The following MARK1 variants were observed in gnomAD, a reference collection of about 807,000 sequenced individuals.
MARK1 encodes the protein microtubule affinity regulating kinase 1, also known as serine/threonine-protein kinase MARK1.
Under a neutral mutation model 96.3 loss-of-function variants are expected in MARK1, and 40 were observed. The observed-to-expected ratio is 0.42, with a 90% CI of 0.32 to 0.54. MARK1 has a LOEUF of 0.54. MARK1 is among the 20% of genes least tolerant of loss of function. MARK1 has a pLI of 0.16. For missense variants in MARK1, 719 were observed against 984.6 expected, an observed-to-expected ratio of 0.73 and a Z score of 3.61; for synonymous variants, 317 against 341.2, an observed-to-expected ratio of 0.93 and a Z score of 0.78.
intron 6 of MARK1, among the ~76,000 whole-genome samples, chr1:220,606,294 A>T (rs569265145): frequency 6.6e-6 from 1 of 151,978 alleles, no homozygotes; most frequent in Non-Finnish European, 1.5e-5. Flanking sequence ...GCATTTTTTC[A>T]TGTGTCTGTT....
chr1:220,627,287 G>C (rs929203141), intron 9 of MARK1: 2 of 501,882 alleles, frequency 4.0e-6, no homozygotes, highest in African/African-American at 2.0e-5. Flanking sequence ...GTGAGAGAGG[G>C]TGGCCACAAG....
At chr1:220,597,804 G>A (rs1320426587) in intron 3 of MARK1, among the ~76,000 whole-genome samples, 1 of 151,182 alleles carries the variant, frequency 6.6e-6, no homozygotes. Context: ...TTGTCATTTT[G>A]TTTTTATATA....
intron 1 of MARK1, among the ~76,000 whole-genome samples, chr1:220,551,711 G>T (rs1172001536): frequency 6.6e-6 from 1 of 152,114 alleles, no homozygotes; most frequent in African/African-American, 2.4e-5. Flanking sequence ...AGAAAAAAAA[G>T]AATTGGTTAA....
chr1:220,558,770 T>G (rs1450200789), intron 1 of MARK1, among the ~76,000 whole-genome samples: 1 of 151,990 alleles, frequency 6.6e-6, no homozygotes, highest in Non-Finnish European at 1.5e-5. Flanking sequence ...ATGATAAAAC[T>G]ATAGAAATAA....
At chr1:220,551,051 G>C (rs1268206540) in intron 1 of MARK1, among the ~76,000 whole-genome samples, 1 of 152,216 alleles carries the variant, frequency 6.6e-6, no homozygotes, top group Non-Finnish European at 1.5e-5. Context: ...AAACAAATTA[G>C]AACCTGCGAG....
rs916336604 is a variant in MARK1, at chr1:220,663,845, A to T, written c.*1679A>T. 2 of 152,434 alleles carry T rather than the reference A, an allele frequency of 1.3e-5. No individual in the cohort carries two copies. The highest frequency in any genetic ancestry group is 2.9e-5 in the Non-Finnish European group (2 of 67,986). 9.4% of individuals were successfully genotyped at this position (152,434 alleles called of 1,614,324 possible). A position where few individuals can be genotyped will look rare whatever the true frequency, so the allele number is the denominator to read the frequency against. Reference sequence around the variant, plus strand: ...CTAGTGTTCATTCAAAAAAAAATTGATGCAAATCTTTATTCACTTTCACTG... The same window carrying T: ...CTAGTGTTCATTCAAAAAAAAATTGTTGCAAATCTTTATTCACTTTCACTG... On this transcript the variant is annotated 3_prime_UTR_variant, in exon 18 of 18. Coordinates refer to ENST00000366917, the MANE Select transcript of MARK1 (RefSeq NM_018650.5).
At chr1:220,588,026 T>C (rs1435520262) in intron 3 of MARK1, among the ~76,000 whole-genome samples, 1 of 152,228 alleles carries the variant, frequency 6.6e-6, no homozygotes, top group East Asian at 1.9e-4. Context: ...AGATTTACTG[T>C]TGCTCCACAT....
At chr1:220,612,483 T>C (rs975278133) in intron 6 of MARK1, among the ~76,000 whole-genome samples, 3 of 152,156 alleles carry the variant, frequency 2.0e-5, no homozygotes, top group Non-Finnish European at 4.4e-5. Context: ...ATATTTTCTT[T>C]ATAATGTATT....
At chr1:220,608,656 C>T (rs1666242516) in intron 6 of MARK1, among the ~76,000 whole-genome samples, 2 of 152,200 alleles carry the variant, frequency 1.3e-5, no homozygotes, top group South Asian at 2.1e-4. Context: ...GTTAGGGTGT[C>T]GATTTTAGAT....
intron 13 of MARK1, among the ~76,000 whole-genome samples, chr1:220,641,159 T>C (rs1668245810): frequency 6.6e-6 from 1 of 152,234 alleles, no homozygotes; most frequent in Non-Finnish European, 1.5e-5. Context: ...TTCCATATTA[T>C]CTATCACATG....
chr1:220,635,671 C>A, intron 12 of MARK1, 142 bp downstream of exon 12: 1 of 1,161,532 alleles, frequency 8.6e-7, no homozygotes, highest in Non-Finnish European at 1.2e-6. Context: ...AAATATAATC[C>A]CTTTTGCAGG....
rs1553322886 is a variant in MARK1, at chr1:220,585,984, T to TACACACAC, written c.309+4887_309+4894dup. On this transcript the variant is annotated intron_variant, in intron 3 of 17. Coordinates refer to ENST00000366917, the MANE Select transcript of MARK1 (RefSeq NM_018650.5). The stretch of plus-strand genomic sequence containing the variant: ...CAACTGCATCCACTTTACATACGTA[T>TACACACAC]ACACACACACACACACACACACACA... Among the ~76,000 whole-genome samples the TACACACAC allele has an allele frequency of 3.6e-3, 192 of 52,894 alleles. 1 individual carries two copies. In the South Asian group the frequency reaches 0.047, roughly 13 times the overall value. 34.7% of individuals were successfully genotyped at this position (52,894 alleles called of 152,430 possible).
At chr1:220,647,179 A>G (rs1286928154) in intron 13 of MARK1, among the ~76,000 whole-genome samples, 1 of 152,206 alleles carries the variant, frequency 6.6e-6, no homozygotes, top group African/African-American at 2.4e-5. Flanking sequence ...AACATCCAGA[A>G]TCTACAAGGA....
intron 3 of MARK1, among the ~76,000 whole-genome samples, chr1:220,584,051 A>G (rs1005260034): frequency 1.3e-5 from 2 of 152,126 alleles, no homozygotes; most frequent in Non-Finnish European, 2.9e-5. Flanking sequence ...TAAATTTGAA[A>G]TGTAAGATCA....
At chr1:220,536,477 C>T (rs1660691669) in intron 1 of MARK1, among the ~76,000 whole-genome samples, 1 of 151,436 alleles carries the variant, frequency 6.6e-6, no homozygotes, top group African/African-American at 2.4e-5. Flanking sequence ...GACTATTTTC[C>T]ATGCCTTAAG....
chr1:220,631,139 G>A lies in MARK1; in HGVS notation c.1009+5G>A, dbSNP rs1667660429. On this transcript the variant is annotated splice_donor_5th_base_variant and intron_variant, in intron 10 of 17. Coordinates refer to ENST00000366917, the MANE Select transcript of MARK1 (RefSeq NM_018650.5). Reference sequence around the variant, plus strand: ...TCAATGACACAAAAAGAATAGGTAAGTATTTAAACATGGTAAGAAGTGCTG... The same window carrying A: ...TCAATGACACAAAAAGAATAGGTAAATATTTAAACATGGTAAGAAGTGCTG... The A allele has an allele frequency of 6.3e-7, 1 of 1,599,674 alleles. No homozygotes were observed. Among genetic ancestry groups the A allele is most frequent in the East Asian group, 2.2e-5 (1 of 44,688 alleles).
chr1:220,596,210 A>C (rs1665334166), intron 3 of MARK1, among the ~76,000 whole-genome samples: 1 of 152,074 alleles, frequency 6.6e-6, no homozygotes, highest in Non-Finnish European at 1.5e-5. Flanking sequence ...AACCCTGAGG[A>C]CCTCCATGTT....
chr1:220,635,469 C>T lies in MARK1; in HGVS notation c.1216C>T (p.His406Tyr). 2.5e-6 allele frequency: 4 copies of T among 1,613,716 alleles called. No homozygotes were observed. Among genetic ancestry groups the T allele is most frequent in the South Asian group, 1.1e-5 (1 of 91,014 alleles). The change falls in exon 12 of 18, where the codon CAC becomes TAC. Residue 406 changes from histidine (H) to tyrosine (Y), a missense_variant. By Grantham distance (83) the His-to-Tyr change is moderately conservative (BLOSUM62 2). Around this residue, in one of 4 missense-constraint regions of MARK1, gnomAD observed 501 missense variants for 588.3 expected, o/e 0.85. Transcript: ENST00000366917. ...CAACAGCACTCTTCAGTCCCCTGCT[C>T]ACCTGAAGGTCCAGAGAAGTATCTC... ...LNNSTLQSPA[H>Y]LKVQRSISAN... is the part of the protein sequence containing the mutation.
intron 1 of MARK1, among the ~76,000 whole-genome samples, chr1:220,542,015 G>GT (rs1661182423): frequency 6.6e-6 from 1 of 152,100 alleles, no homozygotes; most frequent in African/African-American, 2.4e-5. Context: ...GTGACCTCTA[G>GT]TGTAAGCTGG....
Sources: allele counts gnomAD v4.1 joint callset (sites outside exome capture counted in the v4.1 genomes callset), GRCh38; gene constraint gnomAD v4.1.1; regional missense constraint gnomAD v4.1.1; transcripts MANE v1.5; gene names NCBI Gene and HGNC (gene_info 2026-07-23, HGNC 2026-07-21).